Variants in PPP4R1 observed in about 807,000 individuals in gnomAD.
PPP4R1 encodes protein phosphatase 4 regulatory subunit 1.
A neutral mutation model predicts 111.2 loss-of-function variants in PPP4R1; 42 were observed. The ratio of observed to expected loss-of-function variants is 0.38; its 90% CI spans 0.29 to 0.49. The LOEUF (loss-of-function observed/expected upper bound fraction) is 0.49. Among genes scored for constraint, PPP4R1 ranks in the 20% least tolerant of loss-of-function variants. The pLI, the probability that PPP4R1 is intolerant of heterozygous loss-of-function variation, is 0.97. For missense variants in PPP4R1, 1,012 were observed against 1,161.6 expected, an observed-to-expected ratio of 0.87 and a Z score of 1.87; for synonymous variants, 409 against 405.5, an observed-to-expected ratio of 1.01 and a Z score of -0.10.
intron 9 of PPP4R1, among the ~76,000 whole-genome samples, chr18:9,577,621 C>G (rs2066958702): frequency 6.6e-6 from 1 of 152,118 alleles, no homozygotes; most frequent in South Asian, 2.1e-4. Flanking sequence ...GAGCCGTGAT[C>G]ACACCACTGT....
intron 15 of PPP4R1, among the ~76,000 whole-genome samples, chr18:9,555,184 C>G (rs1239785560): frequency 1.3e-5 from 2 of 151,922 alleles, no homozygotes; most frequent in African/African-American, 4.8e-5. Flanking sequence ...GCCTGTGGCC[C>G]CAGCTACTCA....
At chr18:9,562,447 C>T (rs1207200079) in intron 12 of PPP4R1, among the ~76,000 whole-genome samples, 2 of 152,116 alleles carry the variant, frequency 1.3e-5, no homozygotes, top group Non-Finnish European at 1.5e-5. Flanking sequence ...TATTTCTATT[C>T]TTGGCTGTTA....
At chr18:9,557,973 T>C (rs1293764906) in intron 14 of PPP4R1, among the ~76,000 whole-genome samples, 1 of 152,214 alleles carries the variant, frequency 6.6e-6, no homozygotes, top group Non-Finnish European at 1.5e-5. Flanking sequence ...AAATTTGTTT[T>C]TAAGGAATTG....
chr18:9,552,646 C>A (rs946535795), intron 16 of PPP4R1, among the ~76,000 whole-genome samples: 1 of 152,088 alleles, frequency 6.6e-6, no homozygotes, highest in South Asian at 2.1e-4. Context: ...TACCATATGG[C>A]CTTGCAAATT....
upstream of PPP4R1, chr18:9,614,676 C>G (rs1275875656): frequency 6.9e-6 from 1 of 144,310 alleles, no homozygotes; most frequent in Non-Finnish European, 1.5e-5. This position sits in a 1 kb window ranked among gnomAD's most constrained non-coding sequence, Gnocchi z 4.1. Flanking sequence ...GCCGCCCGGG[C>G]CCCCGGCCGC....
Position 9,614,106 on chromosome 18 carries a change from G to A in PPP4R1, c.52+120C>T. The stretch of plus-strand genomic sequence containing the variant: ...CCCGATCGCCACCCCAGCCCGCCTG[G>A]GGCCGCCCTCGCCCACCGTCCCCTC... On this transcript the variant is annotated intron_variant, in intron 2 of 19. Transcript: ENST00000400556. The surrounding 1 kb of genome is among the most constrained non-coding windows in gnomAD (Gnocchi z 4.1). 1 of 911,100 alleles carries A rather than the reference G, an allele frequency of 1.1e-6. No homozygotes were observed. The highest frequency in any genetic ancestry group is 1.4e-6 in the Non-Finnish European group (1 of 706,948). 56.4% of individuals were successfully genotyped at this position (911,100 alleles called of 1,614,324 possible).
intron 2 of PPP4R1, among the ~76,000 whole-genome samples, chr18:9,607,548 G>A (rs1475260809): frequency 1.3e-5 from 2 of 152,020 alleles, no homozygotes; most frequent in Admixed American, 1.3e-4. Flanking sequence ...CTTCACCAAA[G>A]GAGATAAGTT....
chr18:9,603,293 T>C (rs901688994), intron 2 of PPP4R1, among the ~76,000 whole-genome samples: 1 of 126,166 alleles, frequency 7.9e-6, no homozygotes, highest in Non-Finnish European at 1.6e-5. Context: ...ATGTTAAGTA[T>C]TATCTCATTC....
intron 9 of PPP4R1, 74 bp downstream of exon 9, chr18:9,583,043 T>G: frequency 3.1e-6 from 4 of 1,294,778 alleles, no homozygotes; most frequent in Non-Finnish European, 4.2e-6. Context: ...TTATTTCTTA[T>G]GAGGTCAAAA....
rs775155811 is a variant in PPP4R1, at chr18:9,563,556, G to A, written c.1574-6C>T. 2 of 1,569,398 alleles carry A rather than the reference G, an allele frequency of 1.3e-6. No homozygotes were observed. The highest frequency in any genetic ancestry group is 1.7e-6 in the Non-Finnish European group (2 of 1,153,840). On this transcript the variant is annotated splice_region_variant and splice_polypyrimidine_tract_variant and intron_variant, in intron 11 of 19. Transcript: ENST00000400556. ...GGACAGCACTTCCACTTGTGCTACAGGCAAAATAAGGAAATGGACAAAGTG... is the reference window on the plus strand; with the variant it reads ...GGACAGCACTTCCACTTGTGCTACAAGCAAAATAAGGAAATGGACAAAGTG...
chr18:9,588,590 A>G, intron 5 of PPP4R1, 121 bp downstream of exon 5: 1 of 1,090,812 alleles, frequency 9.2e-7, no homozygotes, highest in East Asian at 2.6e-5. Context: ...CATCTTGTCT[A>G]AGATAAATAT....
At chr18:9,575,637 C>G (rs2066923987) in intron 10 of PPP4R1, among the ~76,000 whole-genome samples, 1 of 152,146 alleles carries the variant, frequency 6.6e-6, no homozygotes, top group Admixed American at 6.6e-5. Flanking sequence ...CTTTAAATAG[C>G]TATTGCAGTA....
chr18:9,578,539 A>G (rs939250497), intron 9 of PPP4R1, among the ~76,000 whole-genome samples: 1 of 151,506 alleles, frequency 6.6e-6, no homozygotes, highest in African/African-American at 2.4e-5. Context: ...GCTCCTGGCT[A>G]GCATTTCTTT....
At chr18:9,584,421 G>A (rs577571382) in intron 8 of PPP4R1, 94 bp downstream of exon 8, 2 of 1,070,464 alleles carry the variant, frequency 1.9e-6, no homozygotes, top group East Asian at 5.2e-5. Flanking sequence ...ATGGAATTGT[G>A]TTAATAAAAC....
intron 15 of PPP4R1, among the ~76,000 whole-genome samples, 163 bp from the exon 16 acceptor site, chr18:9,553,585 T>C (rs1212879001): frequency 6.6e-6 from 1 of 152,262 alleles, no homozygotes; most frequent in African/African-American, 2.4e-5. Flanking sequence ...AGTTTATTTT[T>C]CCCTGAATAA....
chr18:9,549,222 T>A lies in PPP4R1; in HGVS notation c.2664A>T (p.Thr888=), dbSNP rs776778577. The change falls in exon 19 of 20, where the codon ACA becomes ACT. Residue 888 remains threonine (T), a synonymous_variant. Transcript: ENST00000400556. The part of the protein sequence containing the change: ...VPNVRVLLAK[T]LRQTLLEKDY... ...CTTTTTCTAGTAGAGTTTGTCTTAA[T>A]GTCTTTGCAAGCAGCACTCGCACGT... 6 of 1,614,014 alleles carry A rather than the reference T, an allele frequency of 3.7e-6. No homozygotes were observed.
intron 9 of PPP4R1, among the ~76,000 whole-genome samples, chr18:9,579,014 C>T (rs1347047035): frequency 6.6e-6 from 1 of 152,180 alleles, no homozygotes; most frequent in Non-Finnish European, 1.5e-5. Context: ...AGAGAGATCA[C>T]AGTGTCTAAT....
At chr18:9,564,733 T>TGG (rs1263080478) in intron 11 of PPP4R1, among the ~76,000 whole-genome samples, 20 of 107,968 alleles carry the variant, frequency 1.9e-4, no homozygotes, top group Admixed American at 4.8e-4. Flanking sequence ...TGTGTGTGTG[T>TGG]GTGTGGGGGT....
chr18:9,608,736 T>G (rs1005924099), intron 2 of PPP4R1, among the ~76,000 whole-genome samples: 27 of 152,174 alleles, frequency 1.8e-4, no homozygotes. Flanking sequence ...TTAGGAACTT[T>G]CAAATTCTTT....
Sources: gnomAD v4.1 joint callset for allele counts (sites outside exome capture counted in the v4.1 genomes callset) on GRCh38, gnomAD v4.1.1 for gene constraint, Gnocchi (gnomAD v3.1) non-coding constraint, MANE v1.5 for transcripts, NCBI Gene and HGNC (gene_info 2026-07-23, HGNC 2026-07-21) for gene names.